The following TUBGCP4 variants were observed in gnomAD, a reference collection of about 807,000 sequenced individuals.
TUBGCP4 encodes the protein tubulin gamma complex component 4, also known as gamma-tubulin complex component 4.
In TUBGCP4, 54 loss-of-function variants were observed where a neutral mutation model predicts 91.6. The ratio of observed to expected loss-of-function variants is 0.59; its 90% CI spans 0.47 to 0.74. The LOEUF is 0.74. Ranked by LOEUF, TUBGCP4 falls within the 30% of genes least tolerant of loss-of-function variation. TUBGCP4 has a pLI of 0.00. For missense variants in TUBGCP4, 593 were observed against 800.9 expected, an observed-to-expected ratio of 0.74 and a Z score of 3.13; for synonymous variants, 297 against 302.8, an observed-to-expected ratio of 0.98 and a Z score of 0.20.
rs1566911615 is a variant in TUBGCP4 at position 43,408,518 on chromosome 15, C to T, written c.*3304C>T. On this transcript the variant is annotated 3_prime_UTR_variant, in exon 18 of 18. Coordinates refer to ENST00000564079, the MANE Select transcript of TUBGCP4 (RefSeq NM_014444.5). ...CCTATATTAGGGTCCCCCTTCTCTTCCTTCTTTCTATGAATGATCTGTATT... is the reference window on the plus strand; with the variant it reads ...CCTATATTAGGGTCCCCCTTCTCTTTCTTCTTTCTATGAATGATCTGTATT... 3.7e-6 allele frequency: 1 copy of T among 270,200 alleles called. No individual in the cohort carries two copies. The highest frequency in any genetic ancestry group is 7.1e-6 in the Non-Finnish European group (1 of 140,206). The allele number at this position is 270,200 out of a possible 1,614,324, so 16.7% of individuals were successfully genotyped here. A position where few individuals can be genotyped will look rare whatever the true frequency, so the allele number is the denominator to read the frequency against.
intron 1 of TUBGCP4, among the ~76,000 whole-genome samples, chr15:43,371,890 C>T (rs892198129): frequency 1.3e-5 from 2 of 152,146 alleles, no homozygotes; most frequent in South Asian, 2.1e-4. Flanking sequence ...TACTCCTTTA[C>T]CAGAAAATTT....
Position 43,371,241 on chromosome 15 carries a change from G to A in TUBGCP4, c.-114G>A, listed in dbSNP as rs2044113288. 4.5e-6 allele frequency: 5 copies of A among 1,122,534 alleles called. No individual in the cohort carries two copies. Among genetic ancestry groups the A allele is most frequent in the African/African-American group, 1.5e-5 (1 of 65,142 alleles). The allele number at this position is 1,122,534 out of a possible 1,614,324, so 69.5% of individuals were successfully genotyped here. A position where few individuals can be genotyped will look rare whatever the true frequency, so the allele number is the denominator to read the frequency against. ...TCGGTGGGTTGATTCGGCACAAACC[G>A]CCCGACCCAGGGGCCGGTGCGCGTG... On this transcript the variant is annotated 5_prime_UTR_variant, in exon 1 of 18. Transcript: ENST00000564079.
chr15:43,404,105 A>T, intron 16 of TUBGCP4: 1 of 505,860 alleles, frequency 2.0e-6, no homozygotes, highest in East Asian at 3.3e-5. Context: ...CCCCCATCTC[A>T]CTGAGATAAT....
Position 43,408,276 on chromosome 15 carries a change from G to A in TUBGCP4, c.*3062G>A, listed in dbSNP as rs577083104. The A allele has an allele frequency of 8.7e-6, 5 of 577,798 alleles. No homozygotes were observed. The highest frequency in any genetic ancestry group is 1.9e-5 in the African/African-American group (1 of 52,944). The allele number at this position is 577,798 out of a possible 1,614,324, so 35.8% of individuals were successfully genotyped here. A position where few individuals can be genotyped will look rare whatever the true frequency, so the allele number is the denominator to read the frequency against. On this transcript the variant is annotated 3_prime_UTR_variant, in exon 18 of 18. Transcript: ENST00000564079. ...TTGGATCTCTTGGGCCTGGGAGTTCGAGACCAGCCTGGGCAATGTGGTGAG... is the reference window on the plus strand; with the variant it reads ...TTGGATCTCTTGGGCCTGGGAGTTCAAGACCAGCCTGGGCAATGTGGTGAG...
chr15:43,408,780 T>C lies in TUBGCP4; in HGVS notation c.*3566T>C. ...TGAAGTCATTTCAAACCCACTCAAA[T>C]TTATCCCACAGACATTCCAATTTCT... On this transcript the variant is annotated 3_prime_UTR_variant, in exon 18 of 18. Coordinates refer to ENST00000564079, the MANE Select transcript of TUBGCP4 (RefSeq NM_014444.5). 1 of 1,031,320 alleles carries C rather than the reference T, an allele frequency of 9.7e-7. No homozygotes were observed. Among genetic ancestry groups the C allele is most frequent in the Non-Finnish European group, 1.4e-6 (1 of 699,896 alleles). 63.9% of individuals were successfully genotyped at this position (1,031,320 alleles called of 1,614,324 possible).
rs2044828075 is a variant in TUBGCP4, at chr15:43,405,201, G to C, written c.1989-1G>C. The C allele has an allele frequency of 6.2e-6, 10 of 1,614,080 alleles. No individual in the cohort carries two copies. The highest frequency in any genetic ancestry group is 8.5e-6 in the Non-Finnish European group (10 of 1,179,978). On this transcript the variant is annotated splice_acceptor_variant, in intron 17 of 17. Coordinates refer to ENST00000564079, the MANE Select transcript of TUBGCP4 (RefSeq NM_014444.5). LOFTEE classifies it high-confidence loss of function. ...AATAAGGCTCTTTTTCTCTTTTGTA[G>C]TTTCGGGATGTGAAAATTTCTGGCT... is the stretch of plus-strand genomic sequence containing the variant.
In TUBGCP4 at chr15:43,404,497, C is replaced by T. The variant is rs745984711; in HGVS notation, c.1933C>T (p.Leu645=). ...GATCAACTCAGATTTGGCTCAACTA[C>T]TGTTACGACTAGATTATAACAAATA... ...HQINSDLAQL[L]LRLDYNKYYT... is the part of the protein sequence containing the mutation. The change falls in exon 17 of 18, where the codon CTG becomes TTG. Residue 645 remains leucine (L), a synonymous_variant. Transcript: ENST00000564079. The T allele has an allele frequency of 1.9e-6, 3 of 1,614,166 alleles. No individual in the cohort carries two copies. The highest frequency in any genetic ancestry group is 1.6e-4 in the Middle Eastern group (1 of 6,062).
chr15:43,404,628 A>T (rs1486565236), intron 17 of TUBGCP4, 76 bp downstream of exon 17: 2 of 1,508,892 alleles, frequency 1.3e-6, no homozygotes, highest in African/African-American at 1.4e-5. Flanking sequence ...CTAGAACTGG[A>T]AGAAGACTTT....
At chr15:43,376,768 A>G (rs764043334) in intron 3 of TUBGCP4, 143 bp downstream of exon 3, 246 of 1,228,722 alleles carry the variant, frequency 2.0e-4, no homozygotes, top group South Asian at 8.8e-4. Context: ...TCTCTCAGTG[A>G]TTGCCCAACC....
intron 5 of TUBGCP4, among the ~76,000 whole-genome samples, chr15:43,378,363 G>A (rs540210822): frequency 1.3e-5 from 2 of 152,320 alleles, no homozygotes; most frequent in Middle Eastern, 6.8e-3. Context: ...TTTATCAGGT[G>A]TATTGAGAAG....
intron 7 of TUBGCP4, among the ~76,000 whole-genome samples, chr15:43,385,057 G>A (rs891056726): frequency 2.6e-5 from 4 of 152,192 alleles, no homozygotes; most frequent in African/African-American, 7.2e-5. Context: ...AAGTAGTGAC[G>A]ATAGGGGTGT....
At position 43,387,254 on chromosome 15, in the gene TUBGCP4, GTCT is replaced by G. The variant is rs1223683431; in HGVS notation, c.1014+930_1014+932del. On this transcript the variant is annotated intron_variant, in intron 9 of 17. Transcript: ENST00000564079. ...CCAGGCCTCCGACTCCTGGTGCACA[GTCT>G]TCTTCATTTTGAATTGTGCTGGTGC... 3.3e-5 allele frequency among the ~76,000 whole-genome samples: 5 copies of G among 149,324 alleles called. No individual in the cohort carries two copies. In the East Asian group the frequency reaches 1.0e-3, roughly 30 times the overall value.
intron 6 of TUBGCP4, 87 bp from the exon 7 acceptor site, chr15:43,383,216 T>A: frequency 2.6e-6 from 3 of 1,133,768 alleles, no homozygotes; most frequent in Non-Finnish European, 3.8e-6. Context: ...TTATTTCTGT[T>A]ATGACTCATC....
At position 43,376,174 on chromosome 15, in the gene TUBGCP4, A is replaced by G; in HGVS notation, c.155A>G (p.Tyr52Cys). 2.5e-6 allele frequency: 4 copies of G among 1,613,956 alleles called. No individual in the cohort carries two copies. Among genetic ancestry groups the G allele is most frequent in the Non-Finnish European group, 3.4e-6 (4 of 1,179,976 alleles). ...LNRLCRLGTD[Y>C]IRFTEFIEQY... ...CGACTCTGCCGGCTCGGCACAGACTATATTCGCTTCACTGAGTTCATTGAA... is the reference window on the plus strand; with the variant it reads ...CGACTCTGCCGGCTCGGCACAGACTGTATTCGCTTCACTGAGTTCATTGAA... Residue 52 changes from tyrosine (Y) to cysteine (C), a missense_variant, in exon 2 of 18, where the codon TAT becomes TGT. Coordinates refer to ENST00000564079, the MANE Select transcript of TUBGCP4 (RefSeq NM_014444.5).
chr15:43,394,803 C>T (rs1566898705), intron 9 of TUBGCP4: 1 of 399,548 alleles, frequency 2.5e-6, no homozygotes, highest in Non-Finnish European at 4.6e-6. Flanking sequence ...ACGCCTTTGC[C>T]TTCTGCCATG....
intron 13 of TUBGCP4, 103 bp downstream of exon 13, chr15:43,398,282 C>T (rs1226831386): frequency 7.3e-7 from 1 of 1,360,992 alleles, no homozygotes; most frequent in Non-Finnish European, 1.0e-6. Context: ...TGTGGTGGCA[C>T]ACACCTGTAA....
intron 9 of TUBGCP4, 93 bp from the exon 10 acceptor site, chr15:43,395,014 T>C: frequency 2.2e-6 from 3 of 1,390,848 alleles, no homozygotes; most frequent in Non-Finnish European, 2.0e-6. Context: ...TATAGTCTTC[T>C]TTTAATACAT....
At chr15:43,380,975 A>ATT (rs1345798527) in intron 6 of TUBGCP4, among the ~76,000 whole-genome samples, 1 of 151,818 alleles carries the variant, frequency 6.6e-6, no homozygotes, top group Non-Finnish European at 1.5e-5. Flanking sequence ...TTCTTATTTT[A>ATT]TTTTAATTTT....
Position 43,407,765 on chromosome 15 carries a change from A to G in TUBGCP4, c.*2551A>G, listed in dbSNP as rs2044960418. ...TGCTGACCTTGTAGAAATATTTAAC[A>G]AATATACGTCCAGTGCTTCACTTAT... On this transcript the variant is annotated 3_prime_UTR_variant, in exon 18 of 18. Coordinates refer to ENST00000564079, the MANE Select transcript of TUBGCP4 (RefSeq NM_014444.5). 5.1e-6 allele frequency: 4 copies of G among 786,530 alleles called. No homozygotes were observed. The highest frequency in any genetic ancestry group is 5.2e-5 in the East Asian group (2 of 38,486). The allele number at this position is 786,530 out of a possible 1,614,324, so 48.7% of individuals were successfully genotyped here.
Sources: gnomAD v4.1 joint callset for allele counts (sites outside exome capture counted in the v4.1 genomes callset) on GRCh38, gnomAD v4.1.1 for gene constraint, MANE v1.5 for transcripts, NCBI Gene and HGNC (gene_info 2026-07-23, HGNC 2026-07-21) for gene names.